The following XPR1 variants were observed in gnomAD, a reference collection of about 807,000 sequenced individuals.
XPR1 encodes the protein solute carrier family 53 member 1.
In XPR1, 28 loss-of-function variants were observed where a neutral mutation model predicts 87.5. That is an observed-to-expected ratio of 0.32 (90% CI 0.24 to 0.44). XPR1 has a LOEUF of 0.44. Ranked by LOEUF, XPR1 falls within the 20% of genes least tolerant of loss-of-function variation. The probability of loss-of-function intolerance (pLI) is 1.00; values close to 1 mark genes in which losing one functional copy is unlikely to be tolerated. For synonymous variants in XPR1, 300 were observed against 306.1 expected (o/e 0.98, Z 0.21); for missense variants, 559 against 862.3 (o/e 0.65, Z 4.41).
intron 1 of XPR1, among the ~76,000 whole-genome samples, chr1:180,666,132 G>C (rs1292726085): frequency 5.9e-5 from 9 of 152,164 alleles, no homozygotes; most frequent in Non-Finnish European, 1.2e-4. Flanking sequence ...GGGTTTATTT[G>C]TGGACTGTAT....
chr1:180,724,721 T>TAATA (rs1658279709), intron 2 of XPR1, among the ~76,000 whole-genome samples: 1 of 152,204 alleles, frequency 6.6e-6, no homozygotes, highest in Admixed American at 6.5e-5. Context: ...TAGCTAGAAC[T>TAATA]AATAACACTT....
intron 2 of XPR1, among the ~76,000 whole-genome samples, chr1:180,730,034 A>G (rs1198321182): frequency 1.3e-5 from 2 of 152,182 alleles, no homozygotes; most frequent in Non-Finnish European, 2.9e-5. Flanking sequence ...TTTTACATAT[A>G]AGTCTGCAAT....
At position 180,836,608 on chromosome 1, in the gene XPR1, C is replaced by T; in HGVS notation, c.1393C>T (p.Arg465Cys). ...TTGGCTTCGCTTCATCCAGTGCCTG[C>T]GCCGATATCGAGACACAAAAAGGGC... ...PAWLRFIQCL[R>C]RYRDTKRAFP... The change falls in exon 11 of 15, where the codon CGC (arginine) becomes TGC (cysteine). Residue 465 changes from arginine (R) to cysteine (C), a missense_variant. This residue lies in a region of XPR1 where 264 missense variants were observed against 377.2 expected (regional missense o/e 0.70). Transcript: ENST00000367590. The T allele has an allele frequency of 6.2e-7, 1 of 1,614,120 alleles. No homozygotes were observed. Among genetic ancestry groups the T allele is most frequent in the Non-Finnish European group, 8.5e-7 (1 of 1,180,032 alleles).
intron 14 of XPR1, among the ~76,000 whole-genome samples, chr1:180,881,668 A>T (rs1440635063): frequency 6.6e-6 from 1 of 152,216 alleles, no homozygotes; most frequent in African/African-American, 2.4e-5. Flanking sequence ...GAACATAAGG[A>T]GATGTTTTGA....
chr1:180,811,488 G>A lies in XPR1; in HGVS notation c.763G>A (p.Ala255Thr), dbSNP rs759826471. The change falls in exon 7 of 15, where the codon GCT (alanine) becomes ACT (threonine). Residue 255 changes from alanine (A) to threonine (T), a missense_variant and splice_region_variant. By Grantham distance (58) the Ala-to-Thr change is moderately conservative (BLOSUM62 0). Transcript: ENST00000367590. ...ACTGAATATTACCCTTGTGCTTGCC[G>A]GTAAGTAGTTTAAATTTTGAATTAA... ...IVLNITLVLAAVFKLETDRSI... is the reference protein window; with the variant it reads ...IVLNITLVLATVFKLETDRSI... The A allele has an allele frequency of 6.8e-6, 11 of 1,608,362 alleles. No individual in the cohort carries two copies. Among genetic ancestry groups the A allele is most frequent in the Middle Eastern group, 1.7e-4 (1 of 6,048 alleles).
chr1:180,887,845 C>T lies in XPR1; in HGVS notation c.*3779C>T, dbSNP rs1269599499. 1 of 152,172 alleles carries T rather than the reference C, an allele frequency of 6.6e-6. No individual in the cohort carries two copies. Among genetic ancestry groups the T allele is most frequent in the Non-Finnish European group, 1.5e-5 (1 of 68,032 alleles). The allele number at this position is 152,172 out of a possible 1,614,324, so 9.4% of individuals were successfully genotyped here. On this transcript the variant is annotated 3_prime_UTR_variant, in exon 15 of 15. Coordinates refer to ENST00000367590, the MANE Select transcript of XPR1 (RefSeq NM_004736.4). ...ATATTATCTTTCCACCATGCTTTGA[C>T]CAAAGTACATTCACAGTAACTAGAG...
At chr1:180,652,321 T>G (rs1044235497) in intron 1 of XPR1, among the ~76,000 whole-genome samples, 7 of 152,086 alleles carry the variant, frequency 4.6e-5, no homozygotes, top group Admixed American at 6.5e-5. Flanking sequence ...GAAATGACAG[T>G]GCTCTCTGCC....
chr1:180,846,449 AT>A (rs112275972), intron 11 of XPR1, among the ~76,000 whole-genome samples: 6,443 of 145,716 alleles, frequency 0.044, 497 homozygotes, highest in African/African-American at 0.15. Flanking sequence ...TTATTTATTT[AT>A]TTTTTTTTTG....
intron 1 of XPR1, among the ~76,000 whole-genome samples, chr1:180,637,121 A>G (rs1166718697): frequency 3.9e-5 from 6 of 151,920 alleles, no homozygotes; most frequent in Middle Eastern, 3.2e-3. Flanking sequence ...TTTTATGCAT[A>G]AGAAAAGGAA....
At chr1:180,832,079 G>A (rs1301894884) in intron 9 of XPR1, among the ~76,000 whole-genome samples, 1 of 152,138 alleles carries the variant, frequency 6.6e-6, no homozygotes, top group African/African-American at 2.4e-5. Flanking sequence ...AGTTTTTAAT[G>A]ATTGCCATTC....
intron 1 of XPR1, among the ~76,000 whole-genome samples, chr1:180,672,208 C>T (rs1656205186): frequency 6.6e-6 from 1 of 152,078 alleles, no homozygotes; most frequent in Non-Finnish European, 1.5e-5. Flanking sequence ...ATTTAATATA[C>T]ATTTAGTTTA....
At chr1:180,634,950 A>G (rs959357875) in intron 1 of XPR1, among the ~76,000 whole-genome samples, 1 of 152,014 alleles carries the variant, frequency 6.6e-6, no homozygotes, top group African/African-American at 2.4e-5. Context: ...CTTCTTCCAT[A>G]AAGTAAGTAT....
intron 7 of XPR1, 39 bp from the exon 8 acceptor site, chr1:180,824,714 T>A: frequency 1.3e-6 from 2 of 1,520,022 alleles, no homozygotes; most frequent in South Asian, 1.3e-5. Flanking sequence ...AGGGAAGTTA[T>A]GAATTTTATA....
At chr1:180,729,782 T>C (rs913029817) in intron 2 of XPR1, among the ~76,000 whole-genome samples, 11 of 152,210 alleles carry the variant, frequency 7.2e-5, no homozygotes, top group Non-Finnish European at 1.2e-4. Flanking sequence ...AAGTTCCTTA[T>C]AGATTCTGGA....
rs756953850 is a variant in XPR1 at position 180,824,734 on chromosome 1, T to C, written c.764-19T>C. On this transcript the variant is annotated intron_variant, in intron 7 of 14. Coordinates refer to ENST00000367590, the MANE Select transcript of XPR1 (RefSeq NM_004736.4). ...AGTTATGAATTTTATAACTGACCAA[T>C]ATCTTAATATTCTTTCAGCTGTATT... 1 of 1,582,744 alleles carries C rather than the reference T, an allele frequency of 6.3e-7. No individual in the cohort carries two copies. Among genetic ancestry groups the C allele is most frequent in the Non-Finnish European group, 8.6e-7 (1 of 1,162,832 alleles).
chr1:180,647,034 C>T (rs914599593), intron 1 of XPR1, among the ~76,000 whole-genome samples: 2 of 152,256 alleles, frequency 1.3e-5, no homozygotes, highest in Non-Finnish European at 2.9e-5. Flanking sequence ...ATTGCAGCTG[C>T]TTCACAGCAC....
intron 2 of XPR1, among the ~76,000 whole-genome samples, chr1:180,739,077 A>AT (rs1658834378): frequency 6.6e-6 from 1 of 152,016 alleles, no homozygotes; most frequent in African/African-American, 2.4e-5. Context: ...AGACCAGTTC[A>AT]TTTTCTTAGA....
chr1:180,795,806 C>CTTAT lies in XPR1; in HGVS notation c.224-7567_224-7564dup, dbSNP rs569429051. Among the ~76,000 whole-genome samples, 117 of 152,080 alleles carry CTTAT rather than the reference C, an allele frequency of 7.7e-4. 3 individuals are homozygous for CTTAT. The South Asian group carries it at 0.019, about 24-fold the overall frequency. On this transcript the variant is annotated intron_variant, in intron 3 of 14. Coordinates refer to ENST00000367590, the MANE Select transcript of XPR1 (RefSeq NM_004736.4). ...TGAGATTCATTCATTCACTCATTCA[C>CTTAT]TTATTTATTTATTTATTTTGAGACG...
At chr1:180,775,812 A>G (rs1648693272) in intron 2 of XPR1, among the ~76,000 whole-genome samples, 1 of 152,122 alleles carries the variant, frequency 6.6e-6, no homozygotes, top group Non-Finnish European at 1.5e-5. Flanking sequence ...TGGAAAAAAA[A>G]ATCCCCTTTT....
Sources: gnomAD v4.1 joint callset for allele counts (sites outside exome capture counted in the v4.1 genomes callset) on GRCh38, gnomAD v4.1.1 for gene constraint, gnomAD v4.1.1 regional missense constraint, MANE v1.5 for transcripts, NCBI Gene and HGNC (gene_info 2026-07-23, HGNC 2026-07-21) for gene names.